Variants in ARFGEF1 observed in about 807,000 individuals in gnomAD.
ARFGEF1 encodes the protein ARF guanine nucleotide exchange factor 1.
A neutral mutation model predicts 231.0 loss-of-function variants in ARFGEF1; 42 were observed. The ratio of observed to expected loss-of-function variants is 0.18; its 90% confidence interval spans 0.14 to 0.24. ARFGEF1 has a LOEUF of 0.24. Ranked by LOEUF, ARFGEF1 falls within the 10% of genes least tolerant of loss-of-function variation. ARFGEF1 has a pLI of 1.00. For synonymous variants in ARFGEF1, 710 were observed against 732.3 expected, an observed-to-expected ratio of 0.97 and a Z score of 0.49; for missense variants, 1,345 against 2,192.0, an observed-to-expected ratio of 0.61 and a Z score of 7.72.
At chr8:67,208,576 G>A (rs1376448536) in intron 34 of ARFGEF1, among the ~76,000 whole-genome samples, 4 of 141,636 alleles carry the variant, frequency 2.8e-5, no homozygotes, top group African/African-American at 1.1e-4. Flanking sequence ...GTTGCAGTGA[G>A]CCGAGATCAC....
intron 1 of ARFGEF1, among the ~76,000 whole-genome samples, chr8:67,331,297 C>A (rs1418570770): frequency 6.6e-6 from 1 of 152,140 alleles, no homozygotes; most frequent in East Asian, 1.9e-4. Context: ...AAAAAAATCA[C>A]ATGTTGAAAC....
At chr8:67,234,683 C>T (rs111849530) in intron 22 of ARFGEF1, among the ~76,000 whole-genome samples, 3,516 of 152,168 alleles carry the variant, frequency 0.023, 89 homozygotes, top group South Asian at 0.047. Flanking sequence ...GTTTAATGTA[C>T]TACTTTCGAA....
intron 1 of ARFGEF1, among the ~76,000 whole-genome samples, chr8:67,340,876 A>G (rs575161172): frequency 1.4e-4 from 21 of 152,314 alleles, no homozygotes; most frequent in Admixed American, 1.2e-3. Flanking sequence ...GTTGGCACAC[A>G]TATCAAGTAA....
intron 1 of ARFGEF1, among the ~76,000 whole-genome samples, chr8:67,328,759 T>C (rs1054125377): frequency 1.2e-4 from 19 of 152,228 alleles, no homozygotes; most frequent in African/African-American, 4.1e-4. Context: ...TGATTATTTT[T>C]AAACTGTTTG....
At chr8:67,197,078 GAA>G (rs1345879504), downstream of ARFGEF1, among the ~76,000 whole-genome samples, 1 of 152,160 alleles carries the variant, frequency 6.6e-6, no homozygotes, top group Non-Finnish European at 1.5e-5. Flanking sequence ...AAACTGTGCT[GAA>G]GAGAACTTTA....
At chr8:67,317,445 T>G (rs1807370514) in intron 1 of ARFGEF1, among the ~76,000 whole-genome samples, 1 of 151,962 alleles carries the variant, frequency 6.6e-6, no homozygotes, top group South Asian at 2.1e-4. Context: ...GTAGTTAGCA[T>G]CAGAACTGCA....
At chr8:67,294,384 T>A (rs1050668274) in intron 5 of ARFGEF1, among the ~76,000 whole-genome samples, 4 of 152,148 alleles carry the variant, frequency 2.6e-5, no homozygotes, top group Non-Finnish European at 5.9e-5. Flanking sequence ...GGAATAGCAT[T>A]ACCCTATTGC....
intron 9 of ARFGEF1, among the ~76,000 whole-genome samples, chr8:67,272,933 C>A (rs1444698302): frequency 1.3e-5 from 2 of 151,980 alleles, no homozygotes; most frequent in East Asian, 1.9e-4. Context: ...CATGGTGAAA[C>A]CCTGTCTGTA....
rs117398242 is a variant in ARFGEF1 at position 67,178,075 on chromosome 8, G to A, written c.561-2503C>T. ...TGCAAGGTACTTAGAGACAGGCCTG[G>A]CATATAAGTTTTATGTAAGTGTTTA... On this transcript the variant is annotated intron_variant, in intron 5 of 5. Coordinates refer to the ARFGEF1 transcript ENST00000518789. Among the ~76,000 whole-genome samples the A allele has an allele frequency of 2.8e-4, 42 of 152,240 alleles. No homozygotes were observed. In the East Asian group the frequency reaches 8.1e-3, roughly 29 times the overall value.
At chr8:67,217,530 T>G (rs1838980029) in intron 32 of ARFGEF1, among the ~76,000 whole-genome samples, 1 of 152,152 alleles carries the variant, frequency 6.6e-6, no homozygotes, top group Non-Finnish European at 1.5e-5. Context: ...GTCAGCAGAA[T>G]CACTTCATTA....
chr8:67,184,924 C>G (rs1243393350), intron 5 of ARFGEF1, among the ~76,000 whole-genome samples: 9 of 120,794 alleles, frequency 7.5e-5, no homozygotes, highest in African/African-American at 2.7e-4. Flanking sequence ...ACGGTGAAAT[C>G]ATGTCTCTAC....
chr8:67,273,734 G>C (rs1004404510), intron 9 of ARFGEF1, among the ~76,000 whole-genome samples: 2 of 151,904 alleles, frequency 1.3e-5, no homozygotes, highest in Non-Finnish European at 2.9e-5. Context: ...GCAGCAAATA[G>C]ATAATTACCA....
intron 9 of ARFGEF1, among the ~76,000 whole-genome samples, chr8:67,273,804 A>G (rs1334790165): frequency 1.3e-5 from 2 of 152,164 alleles, no homozygotes; most frequent in African/African-American, 2.4e-5. Context: ...AAATAGCTAC[A>G]GGGAACTACA....
intron 5 of ARFGEF1, among the ~76,000 whole-genome samples, chr8:67,294,254 G>A (rs1172575653): frequency 6.6e-6 from 1 of 152,020 alleles, no homozygotes; most frequent in African/African-American, 2.4e-5. Flanking sequence ...CCATGGGAGG[G>A]CCCTGGAACC....
At chr8:67,282,765 T>C (rs1805587869) in intron 7 of ARFGEF1, among the ~76,000 whole-genome samples, 1 of 151,456 alleles carries the variant, frequency 6.6e-6, no homozygotes, top group Non-Finnish European at 1.5e-5. Context: ...GAAGAACTGC[T>C]TGAACCCGAT....
chr8:67,323,505 A>C (rs187279503), intron 1 of ARFGEF1, among the ~76,000 whole-genome samples: 1 of 152,274 alleles, frequency 6.6e-6, no homozygotes, highest in Middle Eastern at 3.4e-3. Context: ...CAATATAACC[A>C]TAAGTCCATT....
In ARFGEF1 at chr8:67,271,913, A is replaced by T; in HGVS notation, c.1361T>A (p.Ile454Asn). 1 of 1,610,690 alleles carries T rather than the reference A, an allele frequency of 6.2e-7. No homozygotes were observed. The highest frequency in any genetic ancestry group is 1.7e-5 in the Admixed American group (1 of 59,512). ...DPKSHELRSK[I>N]LSLQLLLSIL... is the part of the protein sequence containing the mutation. ...GGATAGAAGTAACTGCAATGAAAGA[A>T]TCTTGGATCGTAGTTCATGAGACCT... Residue 454 changes from isoleucine to asparagine, a missense_variant, in exon 10 of 39, where the codon ATT (isoleucine) becomes AAT (asparagine). Around this residue, in one of 14 missense-constraint regions of ARFGEF1, gnomAD observed 141 missense variants for 259.9 expected, o/e 0.54. Coordinates refer to ENST00000262215, the MANE Select transcript of ARFGEF1 (RefSeq NM_006421.5).
chr8:67,337,406 A>G (rs977031364), intron 1 of ARFGEF1, among the ~76,000 whole-genome samples: 33 of 152,244 alleles, frequency 2.2e-4, no homozygotes, highest in Non-Finnish European at 1.0e-4. Context: ...CCAACCCATC[A>G]GCAAATCCTG....
chr8:67,210,757 A>T (rs1838705306), intron 34 of ARFGEF1, among the ~76,000 whole-genome samples: 1 of 152,162 alleles, frequency 6.6e-6, no homozygotes, highest in Non-Finnish European at 1.5e-5. Flanking sequence ...TAAACACAGT[A>T]AAGAAGTGAT....
Sources: gnomAD v4.1 joint callset for allele counts (sites outside exome capture counted in the v4.1 genomes callset) on GRCh38, gnomAD v4.1.1 for gene constraint, gnomAD v4.1.1 regional missense constraint, MANE v1.5 for transcripts, NCBI Gene and HGNC (gene_info 2026-07-23, HGNC 2026-07-21) for gene names.